CFAP299: variants seen among roughly 807,000 people sequenced by gnomAD.
CFAP299 encodes the protein cilia and flagella associated protein 299.
CFAP299 carries 21 observed loss-of-function variants against 27.0 expected under a neutral mutation model. The ratio of observed to expected loss-of-function variants is 0.78; its 90% CI spans 0.55 to 1.12. The LOEUF is 1.12. CFAP299 is among the 50% of genes most tolerant of loss of function. CFAP299 has a pLI of 0.00. For synonymous variants in CFAP299, 104 were observed against 98.1 expected (o/e 1.06, Z -0.36); for missense variants, 310 against 276.6 (o/e 1.12, Z -0.86).
chr4:80,844,639 A>T (rs1441287249), intron 3 of CFAP299, among the ~76,000 whole-genome samples: 1 of 152,058 alleles, frequency 6.6e-6, no homozygotes, highest in Non-Finnish European at 1.5e-5. Flanking sequence ...AGTTCATTGT[A>T]GATTCTGGAT....
chr4:80,533,110 C>T (rs1733556812), intron 2 of CFAP299, among the ~76,000 whole-genome samples: 1 of 152,094 alleles, frequency 6.6e-6, no homozygotes, highest in African/African-American at 2.4e-5. Flanking sequence ...AAGATTTTCC[C>T]CTGCTCTACT....
At chr4:80,623,968 C>T (rs2109935539) in intron 3 of CFAP299, among the ~76,000 whole-genome samples, 1 of 152,230 alleles carries the variant, frequency 6.6e-6, no homozygotes, top group African/African-American at 2.4e-5. Flanking sequence ...ATGCCAGCAG[C>T]AACTGCACTG....
chr4:80,396,004 G>T (rs1051946023), intron 2 of CFAP299, among the ~76,000 whole-genome samples: 1 of 151,944 alleles, frequency 6.6e-6, no homozygotes, highest in Non-Finnish European at 1.5e-5. Context: ...ACTCTTCTCT[G>T]CCTTTTATAG....
chr4:80,812,470 TA>T (rs1188924094), intron 3 of CFAP299, among the ~76,000 whole-genome samples: 1 of 152,118 alleles, frequency 6.6e-6, no homozygotes, highest in African/African-American at 2.4e-5. Context: ...AAGGAGGCTC[TA>T]AAAAGTGCTA....
intron 2 of CFAP299, among the ~76,000 whole-genome samples, chr4:80,548,213 A>T (rs1734335341): frequency 6.6e-6 from 1 of 152,174 alleles, no homozygotes; most frequent in Non-Finnish European, 1.5e-5. Flanking sequence ...GAATGAGATC[A>T]TGTCCTTTAC....
intron 2 of CFAP299, among the ~76,000 whole-genome samples, chr4:80,527,641 G>A (rs1024790435): frequency 6.6e-5 from 10 of 152,030 alleles, no homozygotes; most frequent in Admixed American, 4.6e-4. Flanking sequence ...AGTAGGACTG[G>A]TCTGTTCTCC....
In CFAP299 at chr4:80,502,743, G is replaced by A. The variant is rs111304609; in HGVS notation, c.243-80350G>A. Among the ~76,000 whole-genome samples, 158 of 151,940 alleles carry A rather than the reference G, an allele frequency of 1.0e-3. 1 individual carries two copies. Among genetic ancestry groups the A allele is most frequent in the East Asian group, 5.6e-3 (29 of 5,166 alleles). ...TGATGGTATTCTACTGGTATTTCTC[G>A]TCCACTTCTTTGTCTTTCACTTGAC... On this transcript the variant is annotated intron_variant, in intron 2 of 5. Coordinates refer to ENST00000358105, the MANE Select transcript of CFAP299 (RefSeq NM_152770.3).
intron 2 of CFAP299, among the ~76,000 whole-genome samples, chr4:80,504,493 A>ATATAT (rs1341822124): frequency 3.9e-5 from 5 of 127,212 alleles, no homozygotes; most frequent in Non-Finnish European, 6.9e-5. Context: ...ATATATATAT[A>ATATAT]TATATATATA....
chr4:80,352,810 A>C (rs1348661092), intron 1 of CFAP299, among the ~76,000 whole-genome samples: 1 of 152,146 alleles, frequency 6.6e-6, no homozygotes, highest in African/African-American at 2.4e-5. Flanking sequence ...CATAGTTCTA[A>C]ATAACGCAAT....
rs144776079 is a variant in CFAP299 at position 80,902,462 on chromosome 4, A to G, written c.476+32327A>G. On this transcript the variant is annotated intron_variant, in intron 4 of 5. Transcript: ENST00000358105. Reference sequence around the variant, plus strand: ...TATATATGGATATACATATATACATATATGTATATATGTATATATGTATAT... The same window carrying G: ...TATATATGGATATACATATATACATGTATGTATATATGTATATATGTATAT... Among the ~76,000 whole-genome samples, 438 of 120,272 alleles carry G rather than the reference A, an allele frequency of 3.6e-3. 3 individuals carry two copies. Among genetic ancestry groups the G allele is most frequent in the African/African-American group, 0.018 (419 of 23,324 alleles). 78.9% of individuals were successfully genotyped at this position (120,272 alleles called of 152,430 possible). A position where few individuals can be genotyped will look rare whatever the true frequency, so the allele number is the denominator to read the frequency against.
At chr4:80,479,612 A>C (rs915748363) in intron 2 of CFAP299, among the ~76,000 whole-genome samples, 2 of 152,032 alleles carry the variant, frequency 1.3e-5, no homozygotes, top group African/African-American at 4.8e-5. Flanking sequence ...CATTTGCAAC[A>C]GACTGATAAT....
At chr4:80,492,231 C>T (rs1029115934) in intron 2 of CFAP299, among the ~76,000 whole-genome samples, 1 of 152,126 alleles carries the variant, frequency 6.6e-6, no homozygotes, top group African/African-American at 2.4e-5. Flanking sequence ...TCTATAAAAC[C>T]AAGCTGTGCC....
chr4:80,714,838 C>T (rs929268213), intron 3 of CFAP299, among the ~76,000 whole-genome samples: 4 of 151,964 alleles, frequency 2.6e-5, no homozygotes, highest in African/African-American at 7.2e-5. Context: ...CCAGACCATA[C>T]CATGTAGGAA....
the CFAP299 span, among the ~76,000 whole-genome samples, chr4:80,321,376 T>TG: frequency 2.4e-4 from 37 of 152,320 alleles, no homozygotes; most frequent in Middle Eastern, 0.01. Flanking sequence ...AACCCACCCT[T>TG]GCTCAGAGGG....
At chr4:80,329,135 GC>G in the CFAP299 span, among the ~76,000 whole-genome samples, 1 of 150,146 alleles carries the variant, frequency 6.7e-6, no homozygotes, top group South Asian at 2.1e-4. Flanking sequence ...TTTATGTGTG[GC>G]CCAAGATAAT....
At chr4:80,936,348 C>T (rs934004017) in intron 4 of CFAP299, among the ~76,000 whole-genome samples, 2 of 152,012 alleles carry the variant, frequency 1.3e-5, no homozygotes, top group Admixed American at 1.3e-4. Context: ...ATGTTCATTG[C>T]AGCACTATTC....
At chr4:80,912,730 C>T (rs182731103) in intron 4 of CFAP299, among the ~76,000 whole-genome samples, 2 of 152,288 alleles carry the variant, frequency 1.3e-5, no homozygotes, top group African/African-American at 4.8e-5. Flanking sequence ...CAGCCCCATT[C>T]TGGCAGCACT....
chr4:80,540,284 A>T (rs1733936988), intron 2 of CFAP299, among the ~76,000 whole-genome samples: 1 of 152,222 alleles, frequency 6.6e-6, no homozygotes, highest in Admixed American at 6.5e-5. Context: ...TCATTTTAAT[A>T]AACAGAGGAC....
At chr4:80,363,575 A>C (rs188374658) in intron 2 of CFAP299, among the ~76,000 whole-genome samples, 171 of 152,310 alleles carry the variant, frequency 1.1e-3, no homozygotes, top group African/African-American at 3.8e-3. Flanking sequence ...AAAATTACCC[A>C]GTAATTATGA....
Sources: allele counts gnomAD v4.1 joint callset (sites outside exome capture counted in the v4.1 genomes callset), GRCh38; gene constraint gnomAD v4.1.1; transcripts MANE v1.5; gene names NCBI Gene and HGNC (gene_info 2026-07-23, HGNC 2026-07-21).